Variants in STK32B observed in about 807,000 individuals in gnomAD.
STK32B encodes serine/threonine kinase 32B, also known as serine/threonine-protein kinase 32B.
A neutral mutation model predicts 52.6 loss-of-function variants in STK32B; 43 were observed. The observed-to-expected ratio is 0.82, with a 90% confidence interval of 0.64 to 1.05. STK32B has a LOEUF of 1.05. STK32B is among the 50% of genes least tolerant of loss of function. STK32B has a pLI of 0.00. For synonymous variants in STK32B, 238 were observed against 204.3 expected, an observed-to-expected ratio of 1.17 and a Z score of -1.41; for missense variants, 621 against 534.6, an observed-to-expected ratio of 1.16 and a Z score of -1.59.
chr4:5,466,846 G>T lies in STK32B; in HGVS notation c.1041+12G>T, dbSNP rs781159514. 5 of 1,610,778 alleles carry T rather than the reference G, an allele frequency of 3.1e-6. No homozygotes were observed. In the African/African-American group the frequency reaches 5.3e-5, roughly 17 times the overall value. On this transcript the variant is annotated intron_variant, in intron 10 of 11. Transcript: ENST00000282908. ...ACAGCTGCCCGCTGGTGAGTGCTTC[G>T]TGGGAGCCGTTCCGGGAGAGAAATC...
chr4:5,420,467 G>A (rs1455679940), intron 6 of STK32B, among the ~76,000 whole-genome samples: 2 of 152,136 alleles, frequency 1.3e-5, no homozygotes, highest in Non-Finnish European at 1.5e-5. Flanking sequence ...TGGGGGCAAC[G>A]GCAACTTCTC....
At chr4:5,493,057 C>T (rs1309115003) in intron 11 of STK32B, among the ~76,000 whole-genome samples, 1 of 151,380 alleles carries the variant, frequency 6.6e-6, no homozygotes, top group Non-Finnish European at 1.5e-5. Flanking sequence ...GGTTGTGTCT[C>T]TGCCTGGCTT....
intron 3 of STK32B, among the ~76,000 whole-genome samples, chr4:5,244,219 T>A (rs1024650688): frequency 6.6e-6 from 1 of 152,206 alleles, no homozygotes; most frequent in Non-Finnish European, 1.5e-5. Flanking sequence ...TGGACTTTTT[T>A]TGGTTGGTAA....
intron 6 of STK32B, among the ~76,000 whole-genome samples, chr4:5,418,530 T>C (rs769813893): frequency 6.6e-6 from 1 of 152,254 alleles, no homozygotes; most frequent in Admixed American, 6.5e-5. Flanking sequence ...TGTTTTTCTT[T>C]TATTTTCCTT....
In STK32B at chr4:5,378,963, C is replaced by CTGTGG. The variant is rs2109021353; in HGVS notation, c.435-19243_435-19239dup. The stretch of plus-strand genomic sequence containing the variant: ...CCCAGGAGATGGCTGACAAAAAGCT[C>CTGTGG]TGTGGAGAGAGGTCAGGCCCTGGCT... On this transcript the variant is annotated intron_variant, in intron 4 of 11. Transcript: ENST00000282908. The surrounding 1 kb of genome is among the most constrained non-coding windows in gnomAD (Gnocchi z 4.4). Among the ~76,000 whole-genome samples the CTGTGG allele has an allele frequency of 6.6e-6, 1 of 152,284 alleles. No homozygotes were observed. Among genetic ancestry groups the CTGTGG allele is most frequent in the Admixed American group, 6.5e-5 (1 of 15,304 alleles).
At position 5,296,665 on chromosome 4, in the gene STK32B, G is replaced by A. The variant is rs146701066; in HGVS notation, c.261-34555G>A. ...TTTGAATCTATATGTGTCTTTGCAC[G>A]TGAGATGGGTCTCCTGAATCCAGCA... On this transcript the variant is annotated intron_variant, in intron 3 of 11. Coordinates refer to ENST00000282908, the MANE Select transcript of STK32B (RefSeq NM_018401.3). Among the ~76,000 whole-genome samples the A allele has an allele frequency of 3.1e-3, 471 of 152,166 alleles. 2 individuals are homozygous for A. Among genetic ancestry groups the A allele is most frequent in the African/African-American group, 0.011 (454 of 41,510 alleles).
chr4:5,019,907 G>C, the STK32B span, among the ~76,000 whole-genome samples: 40 of 152,174 alleles, frequency 2.6e-4, no homozygotes, highest in African/African-American at 8.7e-4. Context: ...GGATGACTGA[G>C]CATCCCTCCC....
intron 3 of STK32B, among the ~76,000 whole-genome samples, chr4:5,268,308 A>G (rs1309730112): frequency 1.3e-5 from 2 of 152,138 alleles, no homozygotes; most frequent in East Asian, 1.9e-4. Flanking sequence ...TATATACTGC[A>G]AATGTGCTAA....
chr4:5,145,344 C>G (rs1560175981), intron 2 of STK32B, among the ~76,000 whole-genome samples: 1 of 152,118 alleles, frequency 6.6e-6, no homozygotes, highest in Admixed American at 6.5e-5. Flanking sequence ...AGAGATTTGC[C>G]TGTAGTTTTT....
chr4:5,050,789 G>T (rs1364369988), upstream of STK32B, among the ~76,000 whole-genome samples: 1 of 152,140 alleles, frequency 6.6e-6, no homozygotes, highest in African/African-American at 2.4e-5. Context: ...CAACTGTGGC[G>T]CGTATCTCCC....
chr4:5,237,263 G>A (rs113587497), intron 3 of STK32B, among the ~76,000 whole-genome samples: 3 of 152,284 alleles, frequency 2.0e-5, no homozygotes, highest in Middle Eastern at 3.4e-3. Flanking sequence ...CTCAGCTCAC[G>A]CCAGATTCCT....
Position 5,052,866 on chromosome 4 carries a change from A to C in STK32B, c.52+951A>C, listed in dbSNP as rs928231858. On this transcript the variant is annotated intron_variant, in intron 1 of 11. Coordinates refer to ENST00000282908, the MANE Select transcript of STK32B (RefSeq NM_018401.3). ...AGCTGAGACATACTGAGCACTTACT[A>C]TGTTCCAGCCATGCTAGCACATAGT... Among the ~76,000 whole-genome samples, 5 of 152,184 alleles carry C rather than the reference A, an allele frequency of 3.3e-5. No individual in the cohort carries two copies. The South Asian group carries it at 1.0e-3, about 31-fold the overall frequency.
chr4:5,167,121 C>T (rs947421604), intron 2 of STK32B, among the ~76,000 whole-genome samples: 1 of 152,160 alleles, frequency 6.6e-6, no homozygotes, highest in African/African-American at 2.4e-5. Context: ...TACCATCTTC[C>T]CATCCTTTAG....
At chr4:5,202,618 A>T (rs773035112) in intron 3 of STK32B, among the ~76,000 whole-genome samples, 12 of 152,246 alleles carry the variant, frequency 7.9e-5, no homozygotes, top group Non-Finnish European at 1.5e-4. Flanking sequence ...CTGGACACCC[A>T]GGCATTTCCA....
At chr4:5,023,650 C>T in the STK32B span, among the ~76,000 whole-genome samples, 1 of 152,246 alleles carries the variant, frequency 6.6e-6, no homozygotes, top group South Asian at 2.1e-4. Context: ...AGTCAACTCT[C>T]TTTTGGAGCT....
chr4:5,032,193 G>A, the STK32B span, among the ~76,000 whole-genome samples: 1 of 150,954 alleles, frequency 6.6e-6, no homozygotes, highest in East Asian at 1.9e-4. Context: ...AAAAAACCTG[G>A]CCGGGCACAG....
intron 5 of STK32B, among the ~76,000 whole-genome samples, chr4:5,414,180 AC>A (rs1347378731): frequency 4.6e-5 from 7 of 151,918 alleles, no homozygotes; most frequent in Non-Finnish European, 1.0e-4. Flanking sequence ...CTTATCTGAA[AC>A]CCTTGGGGCA....
intron 3 of STK32B, among the ~76,000 whole-genome samples, chr4:5,260,478 A>T (rs1033084377): frequency 3.3e-5 from 5 of 152,040 alleles, no homozygotes; most frequent in African/African-American, 9.7e-5. Context: ...GACGCAAAGG[A>T]CCCAGCCTTT....
intron 3 of STK32B, 85 bp downstream of exon 3, chr4:5,168,535 G>A (rs921718249): frequency 4.8e-5 from 68 of 1,429,466 alleles, no homozygotes; most frequent in Middle Eastern, 2.5e-4. Context: ...GGACTCTTCC[G>A]CATTGTAAAG....
Sources: allele counts gnomAD v4.1 joint callset (sites outside exome capture counted in the v4.1 genomes callset), GRCh38; gene constraint gnomAD v4.1.1; non-coding constraint Gnocchi (gnomAD v3.1); transcripts MANE v1.5; gene names NCBI Gene and HGNC (gene_info 2026-07-23, HGNC 2026-07-21).